TIAM2: variants seen among roughly 807,000 people sequenced by gnomAD.
TIAM2 encodes the protein rho guanine nucleotide exchange factor TIAM2.
TIAM2 carries 80 observed loss-of-function variants against 152.9 expected under a neutral mutation model. That is an observed-to-expected ratio of 0.52 (90% CI 0.44 to 0.63). The LOEUF (loss-of-function observed/expected upper bound fraction) is 0.63. Among genes scored for constraint, TIAM2 ranks in the 30% least tolerant of loss-of-function variants. TIAM2 has a pLI of 0.00. For synonymous variants in TIAM2, 804 were observed against 838.0 expected, an observed-to-expected ratio of 0.96 and a Z score of 0.70; for missense variants, 1,965 against 2,120.1, an observed-to-expected ratio of 0.93 and a Z score of 1.44.
chr6:155,004,595 C>T (rs560160053), intron 1 of TIAM2, among the ~76,000 whole-genome samples: 8 of 151,896 alleles, frequency 5.3e-5, no homozygotes, highest in African/African-American at 1.7e-4. Flanking sequence ...GGGGTTTCAC[C>T]GTGTTAGCGA....
chr6:155,228,967 C>A (rs1782350754), intron 15 of TIAM2, among the ~76,000 whole-genome samples: 2 of 152,250 alleles, frequency 1.3e-5, no homozygotes. Context: ...CCTAGGCACT[C>A]AGGATTTGCC....
chr6:155,030,271 A>C (rs1393518853), intron 1 of TIAM2, among the ~76,000 whole-genome samples: 1 of 152,162 alleles, frequency 6.6e-6, no homozygotes, highest in African/African-American at 2.4e-5. Context: ...TCTTGGAAAG[A>C]GAACTTCACA....
At chr6:155,224,120 G>A (rs756688155) in intron 15 of TIAM2, among the ~76,000 whole-genome samples, 8 of 151,614 alleles carry the variant, frequency 5.3e-5, no homozygotes, top group Non-Finnish European at 7.3e-5. Flanking sequence ...ATATTCTTGC[G>A]TAGAGATTGT....
intron 2 of TIAM2, among the ~76,000 whole-genome samples, chr6:155,109,015 A>T (rs371467119): frequency 6.6e-6 from 1 of 151,650 alleles, no homozygotes; most frequent in Non-Finnish European, 1.5e-5. Context: ...ACAGAGTCTC[A>T]CTCTGTCGCC....
chr6:155,179,210 G>A, intron 11 of TIAM2, 67 bp downstream of exon 11: 1 of 1,514,664 alleles, frequency 6.6e-7, no homozygotes, highest in Non-Finnish European at 9.1e-7. Context: ...TTTGAAAAAT[G>A]TCATTTTTGG....
At chr6:155,078,770 T>C (rs1335430621) in intron 1 of TIAM2, among the ~76,000 whole-genome samples, 3 of 152,174 alleles carry the variant, frequency 2.0e-5, no homozygotes, top group African/African-American at 7.2e-5. Context: ...TTTATCTCTC[T>C]GGAAGTAGAT....
chr6:155,022,737 C>A (rs1458164037), intron 1 of TIAM2, among the ~76,000 whole-genome samples: 2 of 152,186 alleles, frequency 1.3e-5, no homozygotes, highest in Non-Finnish European at 1.5e-5. Flanking sequence ...CTTGCAGAAG[C>A]AATGCAATGC....
intron 2 of TIAM2, among the ~76,000 whole-genome samples, chr6:155,101,498 T>C (rs562989171): frequency 9.2e-5 from 14 of 152,366 alleles, no homozygotes; most frequent in African/African-American, 3.4e-4. Flanking sequence ...TTTATATTTT[T>C]AATCTCTACT....
chr6:155,072,303 C>A (rs1375071286), intron 1 of TIAM2, among the ~76,000 whole-genome samples: 1 of 152,192 alleles, frequency 6.6e-6, no homozygotes, highest in African/African-American at 2.4e-5. Flanking sequence ...ACTGGAAATC[C>A]TCCAGTAGGA....
chr6:155,109,811 C>T (rs9397223), intron 2 of TIAM2, among the ~76,000 whole-genome samples: 34,976 of 151,964 alleles, frequency 0.23, 4,314 homozygotes, highest in South Asian at 0.43. Context: ...TTCCAGGTAT[C>T]CTGTTAGTCT....
intron 9 of TIAM2, among the ~76,000 whole-genome samples, chr6:155,168,402 G>C (rs1311821433): frequency 2.0e-5 from 3 of 152,052 alleles, no homozygotes; most frequent in Non-Finnish European, 4.4e-5. Context: ...CTGTTGCCCA[G>C]GCTGCAGTGC....
At chr6:155,103,501 A>G (rs1364225216) in intron 2 of TIAM2, among the ~76,000 whole-genome samples, 1 of 152,092 alleles carries the variant, frequency 6.6e-6, no homozygotes, top group Non-Finnish European at 1.5e-5. Context: ...AGGCGGGTGG[A>G]TCACCTGAGA....
At chr6:155,128,795 A>T (rs570976348) in intron 3 of TIAM2, among the ~76,000 whole-genome samples, 9 of 151,912 alleles carry the variant, frequency 5.9e-5, no homozygotes, top group African/African-American at 1.9e-4. Context: ...GAGCCTAGGA[A>T]GTCGAGGCTG....
At chr6:155,202,508 T>G (rs1047056784) in intron 14 of TIAM2, among the ~76,000 whole-genome samples, 1 of 151,770 alleles carries the variant, frequency 6.6e-6, no homozygotes, top group African/African-American at 2.4e-5. Context: ...AGCCTCTACC[T>G]CCTGGGCTCA....
chr6:155,076,648 T>C (rs547853152), intron 1 of TIAM2, among the ~76,000 whole-genome samples: 39 of 152,322 alleles, frequency 2.6e-4, no homozygotes, highest in African/African-American at 8.9e-4. Context: ...GTCAAACCCT[T>C]AGTCACATCC....
chr6:155,234,077 C>A (rs1782614531), intron 15 of TIAM2, among the ~76,000 whole-genome samples: 1 of 151,458 alleles, frequency 6.6e-6, no homozygotes, highest in Non-Finnish European at 1.5e-5. Context: ...TTTATTTAAT[C>A]TTTTTATGAC....
At chr6:155,085,440 C>T (rs560022408) in intron 1 of TIAM2, among the ~76,000 whole-genome samples, 109 of 152,204 alleles carry the variant, frequency 7.2e-4, no homozygotes, top group African/African-American at 2.5e-3. Context: ...GTACTGTGGG[C>T]TTGCACACTG....
chr6:155,252,090 C>A, intron 23 of TIAM2, 87 bp downstream of exon 23: 1 of 1,042,686 alleles, frequency 9.6e-7, no homozygotes, highest in Non-Finnish European at 1.4e-6. Flanking sequence ...CACTGAGCAC[C>A]AAGGCTGGGC....
chr6:155,148,112 C>G lies in TIAM2; in HGVS notation c.1806C>G (p.Ala602=). 1 of 1,613,862 alleles carries G rather than the reference C, an allele frequency of 6.2e-7. No homozygotes were observed. The highest frequency in any genetic ancestry group is 1.1e-5 in the South Asian group (1 of 91,062). The change falls in exon 7 of 27, where the codon GCC becomes GCG. Residue 602 remains alanine (A), a splice_region_variant and synonymous_variant. Coordinates refer to ENST00000682666, the MANE Select transcript of TIAM2 (RefSeq NM_012454.4). ...GCTTTCTCCCTCCCTGTGTGTAGGCCACCAGCCAGACAGATCTAGAAAACT... is the reference window on the plus strand; with the variant it reads ...GCTTTCTCCCTCCCTGTGTGTAGGCGACCAGCCAGACAGATCTAGAAAACT... ...NSFGDVYLFQ[A]TSQTDLENWV...
Sources: gnomAD v4.1 joint callset for allele counts (sites outside exome capture counted in the v4.1 genomes callset) on GRCh38, gnomAD v4.1.1 for gene constraint, MANE v1.5 for transcripts, NCBI Gene and HGNC (gene_info 2026-07-23, HGNC 2026-07-21) for gene names.